Variants in CD44 observed in about 807,000 individuals in gnomAD.
The protein encoded by CD44 is CD44 molecule (IN blood group), also known as CD44 antigen.
CD44 carries 49 observed loss-of-function variants against 88.8 expected under a neutral mutation model. The ratio of observed to expected loss-of-function variants is 0.55; its 90% CI spans 0.44 to 0.70. The LOEUF (loss-of-function observed/expected upper bound fraction) is 0.70. Among genes scored for constraint, CD44 ranks in the 30% least tolerant of loss-of-function variants. CD44 has a pLI of 0.00. For synonymous variants in CD44, 325 were observed against 312.3 expected (o/e 1.04, Z -0.43); for missense variants, 883 against 913.8 (o/e 0.97, Z 0.43).
At position 35,230,222 on chromosome 11, in the gene CD44, G is replaced by GTT. The variant is rs397849775; in HGVS notation, c.*900_*901dup. The GTT allele has an allele frequency of 3.9e-3, 567 of 145,096 alleles. 2 individuals are homozygous for GTT. The highest frequency in any genetic ancestry group is 5.8e-3 in the African/African-American group (228 of 39,528). 9.0% of individuals were successfully genotyped at this position (145,096 alleles called of 1,614,324 possible). On this transcript the variant is annotated 3_prime_UTR_variant, in exon 18 of 18. Transcript: ENST00000428726. ...GCACTGTTTTTGTTTTTTGTTTTTT[G>GTT]TTTTTTTTTTTTGACACTGTCCAAA... is the stretch of plus-strand genomic sequence containing the variant.
At chr11:35,178,517 C>T (rs1944683925) in intron 2 of CD44, among the ~76,000 whole-genome samples, 2 of 152,188 alleles carry the variant, frequency 1.3e-5, no homozygotes, top group African/African-American at 4.8e-5. Context: ...TGACCAAGTC[C>T]TCCTCAGGGG....
intron 17 of CD44, among the ~76,000 whole-genome samples, chr11:35,224,698 A>C (rs969847841): frequency 2.0e-5 from 3 of 152,208 alleles, no homozygotes; most frequent in Non-Finnish European, 4.4e-5. Flanking sequence ...TGATAGTGCC[A>C]CTACAGCCTG....
chr11:35,174,741 G>T (rs1265573537), intron 1 of CD44, among the ~76,000 whole-genome samples: 1 of 152,174 alleles, frequency 6.6e-6, no homozygotes, highest in Non-Finnish European at 1.5e-5. Context: ...GCAAACGACA[G>T]GCTTTTGGTC....
intron 1 of CD44, among the ~76,000 whole-genome samples, chr11:35,144,280 G>C (rs923553281): frequency 4.6e-5 from 7 of 152,306 alleles, no homozygotes; most frequent in South Asian, 2.1e-4. Context: ...TCACTCCACC[G>C]AAGAGCCTGA....
intron 10 of CD44, 69 bp downstream of exon 10, chr11:35,204,709 A>T: frequency 1.4e-6 from 2 of 1,409,440 alleles, no homozygotes; most frequent in South Asian, 2.4e-5. Context: ...GACATTGAGG[A>T]CATTGAACAA....
intron 1 of CD44, among the ~76,000 whole-genome samples, chr11:35,176,351 T>C (rs1458631420): frequency 2.0e-5 from 3 of 152,056 alleles, no homozygotes; most frequent in African/African-American, 7.2e-5. Flanking sequence ...CTAATTTTTG[T>C]ATTTTTAGTA....
rs186812748 is a variant in CD44 at position 35,186,972 on chromosome 11, A to T, written c.436+72A>T. 1.8e-4 allele frequency: 162 copies of T among 915,742 alleles called. 1 individual carries two copies. The highest frequency in any genetic ancestry group is 8.6e-4 in the Middle Eastern group (4 of 4,658). The allele number at this position is 915,742 out of a possible 1,614,324, so 56.7% of individuals were successfully genotyped here. ...AGGGCTCAGGTGTGTTCTCTGTGGT[A>T]TATTTGAATAGAATATTAGGCCAGG... On this transcript the variant is annotated intron_variant, in intron 4 of 17. Coordinates refer to ENST00000428726, the MANE Select transcript of CD44 (RefSeq NM_000610.4).
chr11:35,171,647 T>C (rs150262154), intron 1 of CD44, among the ~76,000 whole-genome samples: 256 of 152,342 alleles, frequency 1.7e-3, no homozygotes, highest in African/African-American at 5.9e-3. Flanking sequence ...GATAAAAGTT[T>C]AAAGATGTAA....
At position 35,219,328 on chromosome 11, in the gene CD44, G is replaced by T. The variant is rs376536014; in HGVS notation, c.1886G>T (p.Gly629Val). 1,097 of 1,613,602 alleles carry T rather than the reference G, an allele frequency of 6.8e-4. 33 individuals are homozygous for T. In the South Asian group the frequency reaches 0.012, roughly 17 times the overall value. Reference sequence around the variant, plus strand: ...TTTTTCCCCTTAGGACACTCACATGGGAGTCAAGAAGGTGGAGCAAACACA... The same window carrying T: ...TTTTTCCCCTTAGGACACTCACATGTGAGTCAAGAAGGTGGAGCAAACACA... Reference protein sequence around the residue: ...HGSESDGHSHGSQEGGANTTS... With the variant: ...HGSESDGHSHVSQEGGANTTS... Residue 629 changes from glycine to valine, a missense_variant, in exon 16 of 18, where the codon GGG becomes GTG. Physicochemically the swap from Gly to Val is moderately radical, Grantham distance 109. Around this residue, in one of 2 missense-constraint regions of CD44, gnomAD observed 631 missense variants for 590.9 expected, o/e 1.07. Transcript: ENST00000428726.
In CD44 at chr11:35,198,139, T is replaced by C; in HGVS notation, c.815T>C (p.Ile272Thr). 1 of 1,613,908 alleles carries C rather than the reference T, an allele frequency of 6.2e-7. No homozygotes were observed. The highest frequency in any genetic ancestry group is 8.5e-7 in the Non-Finnish European group (1 of 1,179,872). Reference protein sequence around the residue: ...TQMAGTSSNTISAGWEPNEEN... With the variant: ...TQMAGTSSNTTSAGWEPNEEN... Reference sequence around the variant, plus strand: ...ACAACAGGTACGTCTTCAAATACCATCTCAGCAGGCTGGGAGCCAAATGAA... The same window carrying C: ...ACAACAGGTACGTCTTCAAATACCACCTCAGCAGGCTGGGAGCCAAATGAA... The change falls in exon 7 of 18, where the codon ATC becomes ACC. Residue 272 changes from isoleucine (I) to threonine (T), a missense_variant. This residue lies in a region of CD44 where 631 missense variants were observed against 590.9 expected (regional missense o/e 1.07). Transcript: ENST00000428726.
At chr11:35,165,597 G>A (rs1417872705) in intron 1 of CD44, among the ~76,000 whole-genome samples, 1 of 152,204 alleles carries the variant, frequency 6.6e-6, no homozygotes, top group Non-Finnish European at 1.5e-5. Flanking sequence ...TAATTCATAT[G>A]AGGTTTCTGA....
chr11:35,157,214 G>A (rs1446118820), intron 1 of CD44, among the ~76,000 whole-genome samples: 1 of 152,144 alleles, frequency 6.6e-6, no homozygotes, highest in Non-Finnish European at 1.5e-5. Flanking sequence ...CAGTATTGGG[G>A]TGATTTTGAT....
chr11:35,170,153 A>G (rs1213895924), intron 1 of CD44, among the ~76,000 whole-genome samples: 1 of 152,188 alleles, frequency 6.6e-6, no homozygotes, highest in Admixed American at 6.5e-5. Context: ...ACAGGTTCGC[A>G]TTGTCATCCC....
At position 35,167,041 on chromosome 11, in the gene CD44, G is replaced by A. The variant is rs114548450; in HGVS notation, c.68-9534G>A. On this transcript the variant is annotated intron_variant, in intron 1 of 17. Transcript: ENST00000428726. ...CTGGCAGGCCTGGGGGGCAGCAGAGGGCACAATAGCTAGAAAGACTCCCAG... is the reference window on the plus strand; with the variant it reads ...CTGGCAGGCCTGGGGGGCAGCAGAGAGCACAATAGCTAGAAAGACTCCCAG... Among the ~76,000 whole-genome samples the A allele has an allele frequency of 9.1e-3, 1,381 of 152,318 alleles. 16 individuals are homozygous for A. Among genetic ancestry groups the A allele is most frequent in the African/African-American group, 0.032 (1,330 of 41,566 alleles).
chr11:35,211,364 A>C lies in CD44; in HGVS notation c.1725A>C (p.Pro575=). 6.2e-7 allele frequency: 1 copy of C among 1,614,050 alleles called. No individual in the cohort carries two copies. The highest frequency in any genetic ancestry group is 1.3e-5 in the African/African-American group (1 of 75,034). The change falls in exon 14 of 18, where the codon CCA becomes CCC. Residue 575 remains proline (P), a synonymous_variant. Transcript: ENST00000428726. ...CGAAGGAAAGCAGGACCTTCATCCC[A>C]GTGACCTCAGCTAAGACTGGGTCCT... ...PHTKESRTFI[P]VTSAKTGSFG...
intron 1 of CD44, among the ~76,000 whole-genome samples, chr11:35,145,789 G>A (rs1415251206): frequency 2.0e-5 from 3 of 152,138 alleles, no homozygotes; most frequent in South Asian, 2.1e-4. Context: ...TGGGAGATGC[G>A]GGAGATTCTT....
At chr11:35,205,739 C>T (rs896558926) in intron 10 of CD44, 1 of 966,458 alleles carries the variant, frequency 1.0e-6, no homozygotes, top group Middle Eastern at 5.3e-4. Flanking sequence ...ATATGGTTGT[C>T]TCAGAATAAC....
intron 17 of CD44, among the ~76,000 whole-genome samples, chr11:35,225,102 G>GAGCACTTGACCTATGGCTAGTTCA (rs1949603554): frequency 8.1e-6 from 1 of 123,766 alleles, no homozygotes; most frequent in Non-Finnish European, 1.9e-5. Flanking sequence ...AGCCACAACT[G>GAGCACTTGACCTATGGCTAGTTCA]AGCACTTGAA....
At position 35,206,222 on chromosome 11, in the gene CD44, C is replaced by T; in HGVS notation, c.1393C>T (p.His465Tyr). The change falls in exon 11 of 18, where the codon CAT becomes TAT. Residue 465 changes from histidine to tyrosine, a missense_variant. Physicochemically the swap from His to Tyr is moderately conservative, Grantham distance 83 (BLOSUM62 2). Transcript: ENST00000428726. Reference sequence around the variant, plus strand: ...AATCTCACACCCCATGGGACGAGGTCATCAAGCAGGAAGAAGGATGGGTAA... The same window carrying T: ...AATCTCACACCCCATGGGACGAGGTTATCAAGCAGGAAGAAGGATGGGTAA... ...NPISHPMGRG[H>Y]QAGRRMDMDS... The T allele has an allele frequency of 6.2e-7, 1 of 1,609,658 alleles. No individual in the cohort carries two copies. Among genetic ancestry groups the T allele is most frequent in the Non-Finnish European group, 8.5e-7 (1 of 1,177,986 alleles).
Sources: allele counts gnomAD v4.1 joint callset (sites outside exome capture counted in the v4.1 genomes callset), GRCh38; gene constraint gnomAD v4.1.1; regional missense constraint gnomAD v4.1.1; transcripts MANE v1.5; gene names NCBI Gene and HGNC (gene_info 2026-07-23, HGNC 2026-07-21).